GPC5: variants seen among roughly 807,000 people sequenced by gnomAD.
The protein encoded by GPC5 is glypican 5.
In GPC5, 47 loss-of-function variants were observed where a neutral mutation model predicts 53.9. That is an observed-to-expected ratio of 0.87 (90% CI 0.69 to 1.11). The LOEUF (loss-of-function observed/expected upper bound fraction) is 1.11. GPC5 is among the 50% of genes most tolerant of loss of function. The probability of loss-of-function intolerance (pLI) is 0.00; values close to 1 mark genes in which losing one functional copy is unlikely to be tolerated. For synonymous variants in GPC5, 286 were observed against 263.3 expected (o/e 1.09, Z -0.84); for missense variants, 748 against 713.1 (o/e 1.05, Z -0.56).
intron 7 of GPC5, among the ~76,000 whole-genome samples, chr13:92,160,812 G>A (rs2139005664): frequency 1.3e-5 from 2 of 152,264 alleles, no homozygotes; most frequent in South Asian, 4.1e-4. Context: ...ACAATAAGAA[G>A]ACGCAGCATG....
rs187674468 is a variant in GPC5, at chr13:92,840,677, A to G, written c.1562-25605A>G. On this transcript the variant is annotated intron_variant, in intron 7 of 7. Transcript: ENST00000377067. Reference sequence around the variant, plus strand: ...TTTTGATAGGGATTGCATTAAGTTTATAGATTGCTTTGGGTAGTATGGATA... The same window carrying G: ...TTTTGATAGGGATTGCATTAAGTTTGTAGATTGCTTTGGGTAGTATGGATA... Among the ~76,000 whole-genome samples the G allele has an allele frequency of 2.0e-3, 305 of 152,196 alleles. 1 individual carries two copies. The highest frequency in any genetic ancestry group is 3.4e-3 in the Non-Finnish European group (229 of 67,974).
chr13:91,732,571 G>C (rs1330887118), intron 4 of GPC5, among the ~76,000 whole-genome samples: 1 of 151,920 alleles, frequency 6.6e-6, no homozygotes, highest in Non-Finnish European at 1.5e-5. Context: ...AATTGCTTTT[G>C]GTGTTTTTAT....
At chr13:91,425,509 C>T (rs142078697) in intron 1 of GPC5, among the ~76,000 whole-genome samples, 127 of 152,252 alleles carry the variant, frequency 8.3e-4, no homozygotes, top group Middle Eastern at 3.4e-3. Context: ...CTATAAGGGG[C>T]TTTTCCCCCT....
At chr13:92,818,943 A>G (rs1877582762) in intron 7 of GPC5, among the ~76,000 whole-genome samples, 1 of 151,888 alleles carries the variant, frequency 6.6e-6, no homozygotes, top group Admixed American at 6.6e-5. Flanking sequence ...ATTTTCATAG[A>G]CTTATTTGGA....
intron 6 of GPC5, among the ~76,000 whole-genome samples, chr13:92,057,234 A>G (rs1415405381): frequency 1.3e-5 from 2 of 152,218 alleles, no homozygotes; most frequent in Non-Finnish European, 2.9e-5. Context: ...GGAAGAGAGG[A>G]AGCTCAAGGT....
chr13:92,027,161 A>G (rs2040807551), intron 6 of GPC5, among the ~76,000 whole-genome samples: 1 of 152,190 alleles, frequency 6.6e-6, no homozygotes, highest in South Asian at 2.1e-4. Flanking sequence ...AACATTAATA[A>G]GTACATATTT....
intron 5 of GPC5, among the ~76,000 whole-genome samples, chr13:91,822,424 G>A (rs1309377835): frequency 6.6e-6 from 1 of 152,146 alleles, no homozygotes; most frequent in Non-Finnish European, 1.5e-5. Context: ...AAGAAATAAC[G>A]CATTAACCTT....
chr13:92,818,623 AT>A (rs1877566165), intron 7 of GPC5, among the ~76,000 whole-genome samples: 1 of 151,826 alleles, frequency 6.6e-6, no homozygotes. Context: ...TTTTTGCAAA[AT>A]GTCTGGCTCC....
At chr13:92,745,762 T>C (rs898189000) in intron 7 of GPC5, among the ~76,000 whole-genome samples, 1 of 152,128 alleles carries the variant, frequency 6.6e-6, no homozygotes, top group Non-Finnish European at 1.5e-5. Context: ...ACTAATCATT[T>C]TTTTCAAAAT....
At chr13:92,591,888 T>A (rs1277626208) in intron 7 of GPC5, among the ~76,000 whole-genome samples, 1 of 152,118 alleles carries the variant, frequency 6.6e-6, no homozygotes, top group Non-Finnish European at 1.5e-5. Context: ...TCCAAGAAGC[T>A]CTCTTCGTTA....
In GPC5 at chr13:92,227,860, A is replaced by G. The variant is rs186344073; in HGVS notation, c.1561+82871A>G. On this transcript the variant is annotated intron_variant, in intron 7 of 7. Coordinates refer to ENST00000377067, the MANE Select transcript of GPC5 (RefSeq NM_004466.6). ...AAATAAGGTATAATTTTTGACTTCC[A>G]CAGAACTTAACTACTGATAGCCTAC... Among the ~76,000 whole-genome samples the G allele has an allele frequency of 2.2e-4, 33 of 152,234 alleles. No homozygotes were observed. In the East Asian group the frequency reaches 2.5e-3, roughly 12 times the overall value.
intron 7 of GPC5, among the ~76,000 whole-genome samples, chr13:92,740,960 G>GTGTGTATATATATATATATATATATATA (rs35795926): frequency 1.7e-5 from 2 of 117,700 alleles, no homozygotes; most frequent in African/African-American, 6.6e-5. Flanking sequence ...ATATGTATGT[G>GTGTGTATATATATATATATATATATATA]TATATATATA....
intron 6 of GPC5, among the ~76,000 whole-genome samples, chr13:92,126,915 G>A (rs1192446417): frequency 6.6e-6 from 1 of 152,034 alleles, no homozygotes; most frequent in Non-Finnish European, 1.5e-5. Flanking sequence ...AGGCAGTCGT[G>A]CTTAGATGGC....
intron 2 of GPC5, among the ~76,000 whole-genome samples, chr13:91,503,551 G>T (rs1884761843): frequency 6.6e-6 from 1 of 151,788 alleles, no homozygotes; most frequent in African/African-American, 2.4e-5. Flanking sequence ...GGAGGCTGAG[G>T]CTGGCGGATC....
chr13:92,850,622 A>C (rs1420334001), intron 7 of GPC5, among the ~76,000 whole-genome samples: 1 of 152,110 alleles, frequency 6.6e-6, no homozygotes, highest in Non-Finnish European at 1.5e-5. Context: ...AAAATCATAC[A>C]GGGATAGATA....
chr13:91,443,910 TG>T (rs1880613504), intron 1 of GPC5, among the ~76,000 whole-genome samples: 1 of 152,230 alleles, frequency 6.6e-6, no homozygotes, highest in South Asian at 2.1e-4. Context: ...GAATACAGGA[TG>T]GAATTAGAGG....
chr13:92,589,388 T>C (rs895527319), intron 7 of GPC5, among the ~76,000 whole-genome samples: 2 of 152,216 alleles, frequency 1.3e-5, no homozygotes, highest in African/African-American at 4.8e-5. Flanking sequence ...TTTTCATCCC[T>C]GAGGCTAGAG....
At chr13:92,270,358 C>T (rs2042831704) in intron 7 of GPC5, among the ~76,000 whole-genome samples, 1 of 152,164 alleles carries the variant, frequency 6.6e-6, no homozygotes, top group Admixed American at 6.5e-5. Context: ...GCTCTTGTGA[C>T]AGTGAGTGTA....
At chr13:92,527,617 C>T (rs1170209053) in intron 7 of GPC5, among the ~76,000 whole-genome samples, 1 of 152,086 alleles carries the variant, frequency 6.6e-6, no homozygotes, top group Non-Finnish European at 1.5e-5. Flanking sequence ...ATGGTTATTA[C>T]AACTCTCTTA....
Sources: gnomAD v4.1 joint callset for allele counts (sites outside exome capture counted in the v4.1 genomes callset) on GRCh38, gnomAD v4.1.1 for gene constraint, MANE v1.5 for transcripts, NCBI Gene and HGNC (gene_info 2026-07-23, HGNC 2026-07-21) for gene names.